ASCC1: variants seen among roughly 807,000 people sequenced by gnomAD.
The protein encoded by ASCC1 is ASC-1 complex subunit P50.
Under a neutral mutation model 46.6 loss-of-function variants are expected in ASCC1, and 35 were observed. The observed-to-expected ratio is 0.75, with a 90% CI of 0.57 to 0.99. The LOEUF (loss-of-function observed/expected upper bound fraction) is 0.99, where lower values mean the gene tolerates loss of function less well. Ranked by LOEUF, ASCC1 falls within the 50% of genes least tolerant of loss-of-function variation. ASCC1 has a pLI of 0.00. For synonymous variants in ASCC1, 143 were observed against 146.6 expected (o/e 0.98, Z 0.18); for missense variants, 376 against 428.7 (o/e 0.88, Z 1.09).
chr10:72,168,694 A>T (rs1005190585), intron 5 of ASCC1, among the ~76,000 whole-genome samples: 5 of 152,308 alleles, frequency 3.3e-5, no homozygotes, highest in Middle Eastern at 6.8e-3. Flanking sequence ...TGGGGTCCTA[A>T]TCCAACAGGA....
intron 6 of ASCC1, chr10:72,159,458 A>C (rs542394232): frequency 6.6e-6 from 1 of 152,196 alleles, no homozygotes; most frequent in Admixed American, 6.5e-5. Flanking sequence ...GTACTTCTCT[A>C]AACAAAATAT....
chr10:72,165,406 G>A (rs1248399075), intron 5 of ASCC1, among the ~76,000 whole-genome samples: 4 of 152,208 alleles, frequency 2.6e-5, no homozygotes, highest in Non-Finnish European at 5.9e-5. Flanking sequence ...ATGAGCCACC[G>A]CGCCCGGCCA....
intron 9 of ASCC1, 109 bp downstream of exon 9, chr10:72,127,961 AAAAAAAAGTATG>A (rs762715332): frequency 1.4e-4 from 116 of 844,524 alleles, no homozygotes; most frequent in Non-Finnish European, 2.2e-4. Flanking sequence ...GATAATTAAA[AAAAAAAAGTATG>A]AGAAAAAGTA....
At chr10:72,181,741 A>C (rs764571784) in intron 5 of ASCC1, among the ~76,000 whole-genome samples, 2 of 151,900 alleles carry the variant, frequency 1.3e-5, no homozygotes. Flanking sequence ...GCTGGAGTGC[A>C]GTGGCACCAT....
At chr10:72,130,153 C>G (rs1845423176) in intron 8 of ASCC1, among the ~76,000 whole-genome samples, 1 of 152,058 alleles carries the variant, frequency 6.6e-6, no homozygotes, top group Non-Finnish European at 1.5e-5. Context: ...GAACAGGCAG[C>G]TCTATAGAGA....
intron 5 of ASCC1, among the ~76,000 whole-genome samples, chr10:72,176,535 G>C (rs1313878008): frequency 6.6e-6 from 1 of 151,906 alleles, no homozygotes; most frequent in Non-Finnish European, 1.5e-5. Context: ...TGTGGACACA[G>C]AGTTTCACTA....
chr10:72,188,567 A>T (rs1853869236), intron 5 of ASCC1, among the ~76,000 whole-genome samples: 1 of 152,222 alleles, frequency 6.6e-6, no homozygotes, highest in African/African-American at 2.4e-5. Context: ...AAGGAAAGAA[A>T]GAAGAAAAGA....
intron 5 of ASCC1, among the ~76,000 whole-genome samples, chr10:72,174,110 A>T (rs936903114): frequency 6.6e-6 from 1 of 152,170 alleles, no homozygotes; most frequent in African/African-American, 2.4e-5. Context: ...GCTTCCTCTA[A>T]AGAAAACTTA....
chr10:72,194,001 ATT>A (rs752704318), intron 5 of ASCC1, among the ~76,000 whole-genome samples: 5 of 142,968 alleles, frequency 3.5e-5, no homozygotes, highest in Admixed American at 7.0e-5. Flanking sequence ...CACCCGGCTA[ATT>A]TTTTTTTTTT....
chr10:72,200,642 C>A (rs1186065244), intron 4 of ASCC1, among the ~76,000 whole-genome samples: 8 of 136,202 alleles, frequency 5.9e-5, no homozygotes, highest in Admixed American at 7.6e-5. Context: ...CCAGCCTGGG[C>A]AACAAGAGCG....
At chr10:72,158,973 G>GT (rs1849313075) in intron 6 of ASCC1, 1 of 151,874 alleles carries the variant, frequency 6.6e-6, no homozygotes, top group Admixed American at 6.6e-5. Flanking sequence ...TACCCTTTTT[G>GT]TTTTTTTAAG....
At chr10:72,185,302 T>A (rs1031860420) in intron 5 of ASCC1, among the ~76,000 whole-genome samples, 1 of 152,298 alleles carries the variant, frequency 6.6e-6, no homozygotes, top group African/African-American at 2.4e-5. Flanking sequence ...TAAAAACATA[T>A]ACTGAACACA....
At chr10:72,102,258 C>T in intron 9 of ASCC1, 1 of 1,351,254 alleles carries the variant, frequency 7.4e-7, no homozygotes. Context: ...AGTAACAGAA[C>T]ATTTTTGAAA....
intron 5 of ASCC1, among the ~76,000 whole-genome samples, chr10:72,172,832 A>T: frequency 1.6e-5 from 2 of 128,958 alleles, no homozygotes; most frequent in Non-Finnish European, 3.2e-5. Flanking sequence ...TATATTTTAT[A>T]TTTTTATATT....
At chr10:72,121,784 C>T (rs1844239411) in intron 9 of ASCC1, among the ~76,000 whole-genome samples, 1 of 152,140 alleles carries the variant, frequency 6.6e-6, no homozygotes, top group Admixed American at 6.5e-5. Flanking sequence ...AAACAATGAA[C>T]TCACTATTAT....
At chr10:72,156,696 CA>C (rs1347709424) in intron 6 of ASCC1, among the ~76,000 whole-genome samples, 2 of 150,828 alleles carry the variant, frequency 1.3e-5, no homozygotes, top group Non-Finnish European at 2.9e-5. Context: ...GGCGCGAACC[CA>C]GGGGGCGGAG....
At chr10:72,193,608 A>C (rs987668826) in intron 5 of ASCC1, among the ~76,000 whole-genome samples, 5 of 152,022 alleles carry the variant, frequency 3.3e-5, no homozygotes, top group Non-Finnish European at 7.4e-5. Flanking sequence ...CTGTATCCTA[A>C]TTGTTGTGGT....
At chr10:72,155,535 G>A (rs571564963) in intron 6 of ASCC1, among the ~76,000 whole-genome samples, 99 of 152,242 alleles carry the variant, frequency 6.5e-4, no homozygotes, top group South Asian at 4.4e-3. Flanking sequence ...TAAGATCTGT[G>A]CATTTTTAGT....
At chr10:72,098,300 C>G (rs1334616090) in intron 9 of ASCC1, among the ~76,000 whole-genome samples, 1 of 152,206 alleles carries the variant, frequency 6.6e-6, no homozygotes, top group Non-Finnish European at 1.5e-5. Flanking sequence ...AAGAGCGTAC[C>G]TTCCTCTGTT....
Sources: allele counts gnomAD v4.1 joint callset (sites outside exome capture counted in the v4.1 genomes callset), GRCh38; gene constraint gnomAD v4.1.1; transcripts MANE v1.5; gene names NCBI Gene and HGNC (gene_info 2026-07-23, HGNC 2026-07-21).